RIPPLY2: variants seen among roughly 807,000 people sequenced by gnomAD.
RIPPLY2 encodes the protein ripply transcriptional repressor 2, also known as protein ripply2.
RIPPLY2 carries 20 observed loss-of-function variants against 17.7 expected under a neutral mutation model. The ratio of observed to expected loss-of-function variants is 1.13; its 90% CI spans 0.79 to 1.64. RIPPLY2 has a LOEUF of 1.64. Ranked by LOEUF, RIPPLY2 falls within the 40% of genes most tolerant of loss-of-function variation. RIPPLY2 has a pLI of 0.00. For missense variants in RIPPLY2, 213 were observed against 169.8 expected, an observed-to-expected ratio of 1.25 and a Z score of -1.41; for synonymous variants, 69 against 63.9, an observed-to-expected ratio of 1.08 and a Z score of -0.38.
chr6:83,856,228 G>A (rs978201249), intron 3 of RIPPLY2: 1 of 152,098 alleles, frequency 6.6e-6, no homozygotes, highest in Non-Finnish European at 1.5e-5. Context: ...TTTATTGAAC[G>A]ACTGAATAAT....
At chr6:83,853,885 C>G in intron 2 of RIPPLY2, 112 bp downstream of exon 2, 1 of 1,078,472 alleles carries the variant, frequency 9.3e-7, no homozygotes, top group Non-Finnish European at 1.4e-6. Context: ...TCCTGCCTCT[C>G]GCTTAACATC....
At chr6:83,853,351 A>T, upstream of RIPPLY2, 1 of 1,345,750 alleles carries the variant, frequency 7.4e-7, no homozygotes, top group Non-Finnish European at 1.0e-6. Flanking sequence ...CGGGTCTCGG[A>T]CCTACTGGAA....
In RIPPLY2 at chr6:83,857,413, A is replaced by G; in HGVS notation, c.*24A>G. The G allele has an allele frequency of 1.3e-6, 2 of 1,526,008 alleles. No homozygotes were observed. The highest frequency in any genetic ancestry group is 1.8e-6 in the Non-Finnish European group (2 of 1,137,836). The allele number at this position is 1,526,008 out of a possible 1,614,324, so 94.5% of individuals were successfully genotyped here. A position where few individuals can be genotyped will look rare whatever the true frequency, so the allele number is the denominator to read the frequency against. On this transcript the variant is annotated 3_prime_UTR_variant, in exon 4 of 4. Coordinates refer to ENST00000369689, the MANE Select transcript of RIPPLY2 (RefSeq NM_001009994.3). ...AATCTGATTAGCTACTTTTGATTATATCCAAAGCTTGTGGGGTTTAAATTT... is the reference window on the plus strand; with the variant it reads ...AATCTGATTAGCTACTTTTGATTATGTCCAAAGCTTGTGGGGTTTAAATTT...
chr6:83,857,382 A>T lies in RIPPLY2; in HGVS notation c.380A>T (p.Glu127Val), dbSNP rs1334361317. 1 of 1,571,444 alleles carries T rather than the reference A, an allele frequency of 6.4e-7. No homozygotes were observed. Among genetic ancestry groups the T allele is most frequent in the African/African-American group, 1.4e-5 (1 of 72,460 alleles). ...SEDEIEDLTC[E>V]N ...GATGAAATTGAGGATCTGACCTGTGAAAATTAATCTGATTAGCTACTTTTG... is the reference window on the plus strand; with the variant it reads ...GATGAAATTGAGGATCTGACCTGTGTAAATTAATCTGATTAGCTACTTTTG... Residue 127 changes from glutamate (E) to valine (V), a missense_variant, in exon 4 of 4, where the codon GAA (glutamate) becomes GTA (valine). Glu to Val is a moderately radical substitution (Grantham distance 121). Coordinates refer to ENST00000369689, the MANE Select transcript of RIPPLY2 (RefSeq NM_001009994.3).
rs752615970 is a variant in RIPPLY2, at chr6:83,853,734, C to G, written c.135C>G (p.Gly45=). The change falls in exon 2 of 4, where the codon GGC becomes GGG. Residue 45 remains glycine (G), a synonymous_variant. Transcript: ENST00000369689. ...GGAGACCCTGGGTGGACGCCGGAGGCAAGAAAGAAGAGGAGACGCCGAACC... is the reference window on the plus strand; with the variant it reads ...GGAGACCCTGGGTGGACGCCGGAGGGAAGAAAGAAGAGGAGACGCCGAACC... The part of the protein sequence containing the change: ...GFWRPWVDAG[G]KKEEETPNHA... 6.2e-6 allele frequency: 10 copies of G among 1,613,708 alleles called. No homozygotes were observed. The highest frequency in any genetic ancestry group is 7.6e-6 in the Non-Finnish European group (9 of 1,179,956).
In RIPPLY2 at chr6:83,857,387, TAATC is replaced by T; in HGVS notation, c.386_*2del. ...AATTGAGGATCTGACCTGTGAAAAT[TAATC>T]TGATTAGCTACTTTTGATTATATCC... On this transcript the variant is annotated stop_lost and 3_prime_UTR_variant, in exon 4 of 4. Coordinates refer to ENST00000369689, the MANE Select transcript of RIPPLY2 (RefSeq NM_001009994.3). 1 of 1,568,660 alleles carries T rather than the reference TAATC, an allele frequency of 6.4e-7. No homozygotes were observed. The highest frequency in any genetic ancestry group is 2.4e-5 in the East Asian group (1 of 41,896).
chr6:83,854,264 C>T (rs2099454653), intron 3 of RIPPLY2, 103 bp downstream of exon 3: 1 of 906,514 alleles, frequency 1.1e-6, no homozygotes, highest in Non-Finnish European at 1.8e-6. Context: ...CAGTCTCTCT[C>T]TCTCTCTCTG....
chr6:83,857,188 G>T, intron 3 of RIPPLY2, 54 bp from the exon 4 acceptor site: 1 of 1,236,878 alleles, frequency 8.1e-7, no homozygotes. Context: ...ACCATTTCAT[G>T]AGTTTAAAGA....
upstream of RIPPLY2, chr6:83,853,334 TA>T (rs1588552585): frequency 8.7e-7 from 1 of 1,153,374 alleles, no homozygotes; most frequent in Non-Finnish European, 1.2e-6. Flanking sequence ...GAGGGCTATA[TA>T]AAGCTCGGGT....
intron 1 of RIPPLY2, 87 bp from the exon 2 acceptor site, chr6:83,853,608 G>A: frequency 1.3e-6 from 2 of 1,552,684 alleles, no homozygotes; most frequent in Non-Finnish European, 1.7e-6. Flanking sequence ...ATCCCCCACT[G>A]CCCGGTGCCA....
chr6:83,853,229 A>C (rs1439327356), upstream of RIPPLY2: 12 of 570,256 alleles, frequency 2.1e-5, no homozygotes, highest in Non-Finnish European at 3.3e-5. Context: ...CCCGGGGCTC[A>C]GCCCGGTGCG....
chr6:83,853,315 G>T, upstream of RIPPLY2: 1 of 897,122 alleles, frequency 1.1e-6, no homozygotes. Context: ...TCAATGTGCA[G>T]CAGGCCGCGA....
intron 3 of RIPPLY2, chr6:83,855,243 A>T (rs139384317): frequency 6.6e-6 from 1 of 152,310 alleles, no homozygotes; most frequent in Non-Finnish European, 1.5e-5. Context: ...CTGATCCTGT[A>T]TGTAGTGTTG....
intron 2 of RIPPLY2, 103 bp downstream of exon 2, chr6:83,853,876 C>T (rs1226617547): frequency 2.6e-6 from 3 of 1,135,948 alleles, no homozygotes; most frequent in Non-Finnish European, 3.8e-6. Context: ...GACACCGGGT[C>T]CTGCCTCTCG....
chr6:83,854,635 G>T (rs1389723189), intron 3 of RIPPLY2: 1 of 159,226 alleles, frequency 6.3e-6, no homozygotes, highest in Non-Finnish European at 1.4e-5. Flanking sequence ...ATTGAGAATG[G>T]TTATAGAAAG....
chr6:83,853,589 C>A (rs2099454538), intron 1 of RIPPLY2, 78 bp downstream of exon 1: 2 of 1,539,612 alleles, frequency 1.3e-6, no homozygotes, highest in African/African-American at 1.4e-5. Flanking sequence ...TCCTCCCCTC[C>A]AACTCTCCAT....
chr6:83,856,820 G>A (rs1479522457), intron 3 of RIPPLY2: 2 of 152,010 alleles, frequency 1.3e-5, no homozygotes, highest in Non-Finnish European at 2.9e-5. Context: ...ATAATATTTT[G>A]TCATCTTTAT....
At position 83,857,270 on chromosome 6, in the gene RIPPLY2, G is replaced by C. The variant is rs1373503539; in HGVS notation, c.268G>C (p.Asp90His). ...ATTTTGGCCAAAATCAAAATGTTAT[G>C]ATTACTTATATCAAGAAGCAGAAGC... is the stretch of plus-strand genomic sequence containing the variant. ...RLFWPKSKCY[D>H]YLYQEAEALL... Residue 90 changes from aspartate (D) to histidine (H), a missense_variant, in exon 4 of 4, where the codon GAT (aspartate) becomes CAT (histidine). Physicochemically the swap from Asp to His is moderately conservative, Grantham distance 81. Coordinates refer to ENST00000369689, the MANE Select transcript of RIPPLY2 (RefSeq NM_001009994.3). 6.6e-7 allele frequency: 1 copy of C among 1,522,656 alleles called. No homozygotes were observed. Among genetic ancestry groups the C allele is most frequent in the South Asian group, 1.3e-5 (1 of 75,400 alleles). The allele number at this position is 1,522,656 out of a possible 1,614,324, so 94.3% of individuals were successfully genotyped here.
rs778439554 is a variant in RIPPLY2 at position 83,857,250 on chromosome 6, G to C, written c.248G>C (p.Trp83Ser). Residue 83 changes from tryptophan to serine, a missense_variant, in exon 4 of 4, where the codon TGG (tryptophan) becomes TCG (serine). Transcript: ENST00000369689. ...YQFRHPVRLFWPKSKCYDYLY... is the reference protein window; with the variant it reads ...YQFRHPVRLFSPKSKCYDYLY... ...TTGTCTGCTTCTTTCAGACTATTTT[G>C]GCCAAAATCAAAATGTTATGATTAC... 2 of 1,494,604 alleles carry C rather than the reference G, an allele frequency of 1.3e-6. No homozygotes were observed. The highest frequency in any genetic ancestry group is 2.8e-5 in the South Asian group (2 of 71,388). The allele number at this position is 1,494,604 out of a possible 1,614,324, so 92.6% of individuals were successfully genotyped here.
Sources: gnomAD v4.1 joint callset for allele counts on GRCh38, gnomAD v4.1.1 for gene constraint, MANE v1.5 for transcripts, NCBI Gene and HGNC (gene_info 2026-07-23, HGNC 2026-07-21) for gene names.